Variants in SIGLEC7 observed in about 807,000 individuals in gnomAD.
The protein encoded by SIGLEC7 is sialic acid-binding Ig-like lectin 7.
In SIGLEC7, 33 loss-of-function variants were observed where a neutral mutation model predicts 40.8. That is an observed-to-expected ratio of 0.81 (90% CI 0.61 to 1.08). The LOEUF (loss-of-function observed/expected upper bound fraction) is 1.08, where lower values mean the gene tolerates loss of function less well. SIGLEC7 is among the 50% of genes least tolerant of loss of function. The pLI, the probability that SIGLEC7 is intolerant of heterozygous loss-of-function variation, is 0.00. For synonymous variants in SIGLEC7, 242 were observed against 237.6 expected, an observed-to-expected ratio of 1.02 and a Z score of -0.17; for missense variants, 513 against 576.1, an observed-to-expected ratio of 0.89 and a Z score of 1.12.
chr19:51,152,201 C>T (rs2092148328), intron 6 of SIGLEC7, among the ~76,000 whole-genome samples: 1 of 152,142 alleles, frequency 6.6e-6, no homozygotes, highest in Non-Finnish European at 1.5e-5. Flanking sequence ...AAGTCCCTTC[C>T]TCTGTTTGCA....
intron 1 of SIGLEC7, chr19:51,143,740 C>T (rs1489488344): frequency 1.3e-5 from 3 of 238,816 alleles, no homozygotes; most frequent in Admixed American, 1.1e-4. Context: ...CCCAGGAACC[C>T]TCTGTCTCAG....
rs150924967 is a variant in SIGLEC7, at chr19:51,144,505, C to T, written c.533C>T (p.Thr178Met). The T allele has an allele frequency of 4.2e-5, 68 of 1,613,790 alleles. No homozygotes were observed. The highest frequency in any genetic ancestry group is 8.3e-5 in the Admixed American group (5 of 60,024). Residue 178 changes from threonine to methionine, a missense_variant, in exon 2 of 7, where the codon ACG (threonine) becomes ATG (methionine). Transcript: ENST00000317643. ...CSVPWACEQGTPPMISWMGTS... is the reference protein window; with the variant it reads ...CSVPWACEQGMPPMISWMGTS... ...GTGCCCTGGGCCTGTGAGCAGGGGA[C>T]GCCCCCTATGATCTCCTGGATGGGG...
Position 51,142,498 on chromosome 19 carries a change from T to C in SIGLEC7, c.129T>C (p.His43=). Reference sequence around the variant, plus strand: ...CCGTGCAAGAGGGCATGTGTGTCCATGTGCGCTGCTCCTTCTCCTACCCAG... The same window carrying C: ...CCGTGCAAGAGGGCATGTGTGTCCACGTGCGCTGCTCCTTCTCCTACCCAG... ...SVTVQEGMCV[H]VRCSFSYPVD... Residue 43 remains histidine, a synonymous_variant, in exon 1 of 7, where the codon CAT becomes CAC. Coordinates refer to ENST00000317643, the MANE Select transcript of SIGLEC7 (RefSeq NM_014385.4). The surrounding 1 kb of genome is among the most constrained non-coding windows in gnomAD (Gnocchi z 5.0). The C allele has an allele frequency of 6.2e-7, 1 of 1,614,154 alleles. No individual in the cohort carries two copies. Among genetic ancestry groups the C allele is most frequent in the Non-Finnish European group, 8.5e-7 (1 of 1,180,016 alleles).
intron 6 of SIGLEC7, 95 bp downstream of exon 6, chr19:51,147,412 A>ATC (rs1599833310): frequency 2.2e-6 from 2 of 904,916 alleles, no homozygotes; most frequent in East Asian, 6.4e-5. Flanking sequence ...GGCCAAAATT[A>ATC]TCTCCTCATC....
At chr19:51,150,733 G>T (rs1218114405) in intron 6 of SIGLEC7, among the ~76,000 whole-genome samples, 1 of 152,154 alleles carries the variant, frequency 6.6e-6, no homozygotes, top group Non-Finnish European at 1.5e-5. Context: ...GACATTTATT[G>T]TGTGATTGAA....
chr19:51,150,678 G>A (rs541318638), intron 6 of SIGLEC7, among the ~76,000 whole-genome samples: 28 of 152,294 alleles, frequency 1.8e-4, no homozygotes, highest in Non-Finnish European at 3.1e-4. Context: ...GTCTTCCTCC[G>A]TATTTGGGAA....
At position 51,153,165 on chromosome 19, in the gene SIGLEC7, T is replaced by C; in HGVS notation, c.1324T>C (p.Phe442Leu). Residue 442 changes from phenylalanine (F) to leucine (L), a missense_variant, in exon 7 of 7, where the codon TTT (phenylalanine) becomes CTT (leucine). Coordinates refer to ENST00000317643, the MANE Select transcript of SIGLEC7 (RefSeq NM_014385.4). ...EREIQYAPLS[F>L]HKGEPQDLSG... ...AGAGATCCAGTATGCACCCCTCAGC[T>C]TTCATAAGGGGGAGCCTCAGGACCT... is the stretch of plus-strand genomic sequence containing the variant. 9 of 1,610,312 alleles carry C rather than the reference T, an allele frequency of 5.6e-6. No individual in the cohort carries two copies. The highest frequency in any genetic ancestry group is 7.6e-6 in the Non-Finnish European group (9 of 1,178,268).
At chr19:51,149,410 G>T (rs182126) in intron 6 of SIGLEC7, among the ~76,000 whole-genome samples, 121,973 of 152,210 alleles carry the variant, frequency 0.8, 51,285 homozygotes, top group Non-Finnish European at 0.94. Flanking sequence ...TGAATCAGGA[G>T]TCCTTTCCCC....
In SIGLEC7 at chr19:51,153,159, C is replaced by T. The variant is rs752754668; in HGVS notation, c.1318C>T (p.Leu440Phe). The T allele has an allele frequency of 1.2e-6, 2 of 1,610,856 alleles. No individual in the cohort carries two copies. Among genetic ancestry groups the T allele is most frequent in the Non-Finnish European group, 1.7e-6 (2 of 1,178,596 alleles). Residue 440 changes from leucine (L) to phenylalanine (F), a missense_variant, in exon 7 of 7, where the codon CTC becomes TTC. By Grantham distance (22) the Leu-to-Phe change is conservative. Coordinates refer to ENST00000317643, the MANE Select transcript of SIGLEC7 (RefSeq NM_014385.4). ...GGAAAGAGAGATCCAGTATGCACCC[C>T]TCAGCTTTCATAAGGGGGAGCCTCA... ...GEEREIQYAPLSFHKGEPQDL... is the reference protein window; with the variant it reads ...GEEREIQYAPFSFHKGEPQDL...
chr19:51,144,878 C>T, intron 2 of SIGLEC7, 34 bp from the exon 3 acceptor site: 2 of 1,611,674 alleles, frequency 1.2e-6, no homozygotes, highest in Middle Eastern at 1.7e-4. Flanking sequence ...CCAGCCCTCA[C>T]AGTGATGCAG....
chr19:51,147,354 C>T, intron 6 of SIGLEC7, 37 bp downstream of exon 6: 3 of 1,564,058 alleles, frequency 1.9e-6, no homozygotes, highest in Non-Finnish European at 2.6e-6. Context: ...CAGCATCCAG[C>T]TGGGACATCT....
intron 4 of SIGLEC7, among the ~76,000 whole-genome samples, 187 bp from the exon 5 acceptor site, chr19:51,146,567 G>A (rs1188981117): frequency 1.3e-5 from 2 of 152,128 alleles, no homozygotes; most frequent in African/African-American, 4.8e-5. Flanking sequence ...ATACAGGCAG[G>A]CTGTGCTTAC....
chr19:51,152,792 T>G (rs1201537244), intron 6 of SIGLEC7: 2 of 203,372 alleles, frequency 9.8e-6, no homozygotes, highest in Non-Finnish European at 2.0e-5. Flanking sequence ...GGAGTTTGGG[T>G]ACGCTACTTT....
At position 51,146,071 on chromosome 19, in the gene SIGLEC7, T is replaced by C. The variant is rs1218876611; in HGVS notation, c.977T>C (p.Leu326Pro). 6.2e-7 allele frequency: 1 copy of C among 1,614,218 alleles called. No individual in the cohort carries two copies. The highest frequency in any genetic ancestry group is 8.5e-7 in the Non-Finnish European group (1 of 1,180,040). The change falls in exon 4 of 7, where the codon CTG (leucine) becomes CCG (proline). Residue 326 changes from leucine (L) to proline (P), a missense_variant. Coordinates refer to ENST00000317643, the MANE Select transcript of SIGLEC7 (RefSeq NM_014385.4). Reference protein sequence around the residue: ...GEFTCRAQNSLGSQHVSLNLS... With the variant: ...GEFTCRAQNSPGSQHVSLNLS... ...TTCACCTGTCGAGCTCAGAACTCTC[T>C]GGGTTCCCAGCACGTTTCCCTGAAC...
In SIGLEC7 at chr19:51,145,762, T is replaced by C. The variant is rs998121357; in HGVS notation, c.761-93T>C. ...AAGTATGTCCCTGCACCAGCCTACATCACTCTCTGTTCCATTCCCCAGTCT... is the reference window on the plus strand; with the variant it reads ...AAGTATGTCCCTGCACCAGCCTACACCACTCTCTGTTCCATTCCCCAGTCT... On this transcript the variant is annotated intron_variant, in intron 3 of 6. Transcript: ENST00000317643. The surrounding 1 kb of genome is among the most constrained non-coding windows in gnomAD (Gnocchi z 4.3). 4 of 1,442,522 alleles carry C rather than the reference T, an allele frequency of 2.8e-6. No homozygotes were observed. In the African/African-American group the frequency reaches 4.2e-5, roughly 15 times the overall value. The allele number at this position is 1,442,522 out of a possible 1,614,324, so 89.4% of individuals were successfully genotyped here.
Position 51,147,273 on chromosome 19 carries a change from A to G in SIGLEC7, c.1177A>G (p.Ile393Val), listed in dbSNP as rs1214360645. The stretch of plus-strand genomic sequence containing the variant: ...AAGGCCAGCAGCGGACGTGGGAGAC[A>G]TAGGCATGAAGGATGCAAACACCAT... ...SARPAADVGDIGMKDANTIRG... is the reference protein window; with the variant it reads ...SARPAADVGDVGMKDANTIRG... The change falls in exon 6 of 7, where the codon ATA becomes GTA. Residue 393 changes from isoleucine (I) to valine (V), a missense_variant. Ile to Val is a conservative substitution (Grantham distance 29). Coordinates refer to ENST00000317643, the MANE Select transcript of SIGLEC7 (RefSeq NM_014385.4). 1.2e-6 allele frequency: 2 copies of G among 1,612,592 alleles called. No homozygotes were observed. The highest frequency in any genetic ancestry group is 1.7e-6 in the Non-Finnish European group (2 of 1,179,038).
chr19:51,152,954 T>C, intron 6 of SIGLEC7, 109 bp from the exon 7 acceptor site: 2 of 824,716 alleles, frequency 2.4e-6, no homozygotes, highest in Non-Finnish European at 1.8e-6. Flanking sequence ...TTTAATTCTA[T>C]ACAGAGGAAT....
At chr19:51,146,639 T>C in intron 4 of SIGLEC7, 115 bp from the exon 5 acceptor site, 1 of 813,598 alleles carries the variant, frequency 1.2e-6, no homozygotes, top group Non-Finnish European at 2.0e-6. Context: ...TTCTTGCCCT[T>C]TGTTTCTGGG....
chr19:51,146,718 A>T (rs2092110538), intron 4 of SIGLEC7, 36 bp from the exon 5 acceptor site: 2 of 1,581,942 alleles, frequency 1.3e-6, no homozygotes, highest in African/African-American at 1.3e-5. Context: ...CAGTTCTTGG[A>T]GTTGGATCAC....
Sources: allele counts gnomAD v4.1 joint callset (sites outside exome capture counted in the v4.1 genomes callset), GRCh38; gene constraint gnomAD v4.1.1; non-coding constraint Gnocchi (gnomAD v3.1); transcripts MANE v1.5; gene names NCBI Gene and HGNC (gene_info 2026-07-23, HGNC 2026-07-21).